The following SYT1 variants were observed in gnomAD, a reference collection of about 807,000 sequenced individuals.
The protein encoded by SYT1 is synaptotagmin 1.
In SYT1, 8 loss-of-function variants were observed where a neutral mutation model predicts 44.8. The ratio of observed to expected loss-of-function variants is 0.18; its 90% CI spans 0.10 to 0.32. The LOEUF is 0.32. SYT1 is among the 10% of genes least tolerant of loss of function. SYT1 has a pLI of 1.00. For missense variants in SYT1, 286 were observed against 509.3 expected (o/e 0.56, Z 4.22); for synonymous variants, 154 against 188.8 (o/e 0.82, Z 1.51).
At chr12:78,870,810 C>T (rs887613208) in intron 1 of SYT1, among the ~76,000 whole-genome samples, 1 of 152,012 alleles carries the variant, frequency 6.6e-6, no homozygotes, top group Non-Finnish European at 1.5e-5. Context: ...GAAACAGGTA[C>T]TTGGATTGAC....
chr12:79,445,078 T>A (rs556995044), intron 10 of SYT1, among the ~76,000 whole-genome samples: 18 of 152,202 alleles, frequency 1.2e-4, no homozygotes, highest in African/African-American at 4.3e-4. Context: ...AGTTTGCCCA[T>A]AACTTGAAGG....
intron 1 of SYT1, among the ~76,000 whole-genome samples, chr12:78,870,089 C>G (rs1873741026): frequency 6.6e-6 from 1 of 151,970 alleles, no homozygotes; most frequent in South Asian, 2.1e-4. Context: ...CGGGAATGGC[C>G]TATAAACTAG....
chr12:79,315,927 A>G (rs1342783881), intron 8 of SYT1, among the ~76,000 whole-genome samples: 1 of 152,208 alleles, frequency 6.6e-6, no homozygotes, highest in African/African-American at 2.4e-5. Flanking sequence ...CATGAGAACC[A>G]ATCTTTTTGC....
At chr12:79,368,085 C>T (rs1296221752) in intron 9 of SYT1, among the ~76,000 whole-genome samples, 1 of 137,804 alleles carries the variant, frequency 7.3e-6, no homozygotes, top group Non-Finnish European at 1.5e-5. Flanking sequence ...GTGTGATGTT[C>T]CCCTTCCTGT....
chr12:79,161,537 C>T (rs1870950724), intron 3 of SYT1, among the ~76,000 whole-genome samples: 1 of 152,064 alleles, frequency 6.6e-6, no homozygotes, highest in Admixed American at 6.6e-5. Context: ...TGCCTTATGC[C>T]AAATAATACT....
At chr12:79,107,243 G>C (rs1287597757) in intron 3 of SYT1, among the ~76,000 whole-genome samples, 1 of 151,580 alleles carries the variant, frequency 6.6e-6, no homozygotes. Flanking sequence ...AGAACTTTAG[G>C]GCCAGAGAGT....
At chr12:79,019,384 C>A (rs1872034289) in intron 2 of SYT1, among the ~76,000 whole-genome samples, 1 of 151,912 alleles carries the variant, frequency 6.6e-6, no homozygotes, top group African/African-American at 2.4e-5. Context: ...GAATTACCAT[C>A]AACATTCCAG....
chr12:79,055,443 T>C (rs1874859074), intron 3 of SYT1, among the ~76,000 whole-genome samples: 1 of 152,064 alleles, frequency 6.6e-6, no homozygotes, highest in Admixed American at 6.6e-5. Flanking sequence ...AGACTTTAAA[T>C]CAAATGATTT....
At chr12:79,418,063 A>G (rs1343235263) in intron 9 of SYT1, among the ~76,000 whole-genome samples, 1 of 152,124 alleles carries the variant, frequency 6.6e-6, no homozygotes, top group African/African-American at 2.4e-5. Context: ...TCTAATGTTT[A>G]TGACTTGTAT....
chr12:78,979,034 T>G (rs186489120), intron 2 of SYT1, among the ~76,000 whole-genome samples: 25 of 152,324 alleles, frequency 1.6e-4, no homozygotes, highest in African/African-American at 4.3e-4. Context: ...GATACCACAG[T>G]GTAGGATCAC....
intron 3 of SYT1, among the ~76,000 whole-genome samples, chr12:79,056,336 T>C (rs531592336): frequency 6.1e-4 from 93 of 152,190 alleles, no homozygotes; most frequent in Non-Finnish European, 7.4e-4. Context: ...AGGCTTGCTT[T>C]GGGAGGAGTC....
In SYT1 at chr12:79,221,701, C is replaced by T. The variant is rs577927394; in HGVS notation, c.166+4016C>T. ...TCTACAATTTTACTCCTCTACTGTC[C>T]ACATTTTGAATTTTTTATGTCAAAA... is the stretch of plus-strand genomic sequence containing the variant. On this transcript the variant is annotated intron_variant, in intron 4 of 10. Coordinates refer to ENST00000261205, the MANE Select transcript of SYT1 (RefSeq NM_005639.3). Among the ~76,000 whole-genome samples the T allele has an allele frequency of 3.5e-4, 54 of 152,146 alleles. 1 individual carries two copies. The highest frequency in any genetic ancestry group is 1.2e-3 in the African/African-American group (50 of 41,532).
chr12:79,230,929 G>A (rs1002346119), intron 4 of SYT1, among the ~76,000 whole-genome samples: 11 of 152,218 alleles, frequency 7.2e-5, no homozygotes, highest in African/African-American at 1.2e-4. Flanking sequence ...AACACCATAC[G>A]AATATACTTT....
intron 3 of SYT1, among the ~76,000 whole-genome samples, chr12:79,183,665 A>G (rs1872660296): frequency 6.6e-6 from 1 of 152,024 alleles, no homozygotes; most frequent in Admixed American, 6.6e-5. Context: ...CTCTTACCGT[A>G]TAGATGGTCC....
chr12:79,352,721 C>T (rs1882961721), intron 8 of SYT1, among the ~76,000 whole-genome samples: 1 of 152,082 alleles, frequency 6.6e-6, no homozygotes, highest in Non-Finnish European at 1.5e-5. Flanking sequence ...ATTCTCTATA[C>T]CATCATCATT....
At chr12:79,057,943 C>A (rs1489497008) in intron 3 of SYT1, among the ~76,000 whole-genome samples, 1 of 151,966 alleles carries the variant, frequency 6.6e-6, no homozygotes, top group African/African-American at 2.4e-5. Flanking sequence ...ATAATAAATA[C>A]CATTTTATTA....
chr12:79,432,348 G>A (rs1869842474), intron 9 of SYT1, among the ~76,000 whole-genome samples: 1 of 151,860 alleles, frequency 6.6e-6, no homozygotes, highest in Non-Finnish European at 1.5e-5. Flanking sequence ...TTTTCCTAAT[G>A]CTATCCCTCC....
intron 3 of SYT1, among the ~76,000 whole-genome samples, chr12:79,130,088 A>T (rs991749218): frequency 6.6e-6 from 1 of 152,192 alleles, no homozygotes; most frequent in African/African-American, 2.4e-5. Context: ...AAATTTGCTA[A>T]GTTTCAGCAG....
intron 4 of SYT1, among the ~76,000 whole-genome samples, chr12:79,239,537 T>A (rs1165982433): frequency 1.3e-5 from 2 of 152,216 alleles, no homozygotes; most frequent in Non-Finnish European, 2.9e-5. Context: ...TAGGGGAAAC[T>A]AGGTATGAGG....
Sources: gnomAD v4.1 joint callset for allele counts (sites outside exome capture counted in the v4.1 genomes callset) on GRCh38, gnomAD v4.1.1 for gene constraint, MANE v1.5 for transcripts, NCBI Gene and HGNC (gene_info 2026-07-23, HGNC 2026-07-21) for gene names.